Variants in DLG2 observed in about 807,000 individuals in gnomAD.
DLG2 encodes the protein disks large homolog 2.
In DLG2, 45 loss-of-function variants were observed where a neutral mutation model predicts 132.5. The observed-to-expected ratio is 0.34, with a 90% CI of 0.27 to 0.44. The LOEUF (loss-of-function observed/expected upper bound fraction) is 0.44. DLG2 is among the 20% of genes least tolerant of loss of function. The pLI, the probability that DLG2 is intolerant of heterozygous loss-of-function variation, is 1.00. For missense variants in DLG2, 1,045 were observed against 1,196.9 expected (o/e 0.87, Z 1.87); for synonymous variants, 424 against 419.6 (o/e 1.01, Z -0.13).
chr11:83,740,012 T>C (rs1403717860), intron 18 of DLG2, among the ~76,000 whole-genome samples: 3 of 152,196 alleles, frequency 2.0e-5, no homozygotes, highest in African/African-American at 7.2e-5. Context: ...GATGACAGAA[T>C]TCTATCCCTT....
At chr11:83,942,739 T>G (rs1236739515) in intron 14 of DLG2, among the ~76,000 whole-genome samples, 1 of 152,238 alleles carries the variant, frequency 6.6e-6, no homozygotes, top group African/African-American at 2.4e-5. Flanking sequence ...TTTAAATTAA[T>G]TTTTTAAAAA....
intron 5 of DLG2, among the ~76,000 whole-genome samples, chr11:85,129,284 T>C (rs1298125461): frequency 6.6e-6 from 1 of 152,200 alleles, no homozygotes; most frequent in Non-Finnish European, 1.5e-5. Context: ...GATGATTTCC[T>C]AGTCTACAAG....
At chr11:83,688,722 G>A (rs2153613272) in intron 18 of DLG2, among the ~76,000 whole-genome samples, 1 of 152,282 alleles carries the variant, frequency 6.6e-6, no homozygotes, top group Middle Eastern at 3.4e-3. Context: ...ATGATTGTGT[G>A]TACCTTCTTC....
intron 3 of DLG2, among the ~76,000 whole-genome samples, chr11:85,416,345 C>G (rs1478976646): frequency 6.6e-6 from 1 of 152,138 alleles, no homozygotes. Context: ...GTTACTGTAG[C>G]CTTGTAGTAT....
chr11:85,228,708 A>G (rs1029799414), intron 4 of DLG2, among the ~76,000 whole-genome samples: 5 of 151,432 alleles, frequency 3.3e-5, no homozygotes, highest in Non-Finnish European at 7.4e-5. Context: ...TGGCTACCCT[A>G]TTGGCTTATT....
At chr11:85,614,168 C>G (rs1388795424) in intron 2 of DLG2, among the ~76,000 whole-genome samples, 2 of 152,208 alleles carry the variant, frequency 1.3e-5, no homozygotes, top group Non-Finnish European at 2.9e-5. Context: ...ACAGAATCCA[C>G]TCATTCCAGA....
intron 22 of DLG2, among the ~76,000 whole-genome samples, chr11:83,482,738 G>A (rs1450807074): frequency 2.6e-5 from 4 of 152,084 alleles, no homozygotes; most frequent in Non-Finnish European, 5.9e-5. Context: ...CTTAAAATTT[G>A]CTTTTAGAGA....
chr11:83,724,770 C>T (rs1720513155), intron 18 of DLG2: 1 of 684,580 alleles, frequency 1.5e-6, no homozygotes, highest in Admixed American at 2.0e-5. Flanking sequence ...GGAGAATCTG[C>T]TGCCCTCTTT....
At chr11:85,570,369 T>C (rs2077778362) in intron 3 of DLG2, among the ~76,000 whole-genome samples, 1 of 152,208 alleles carries the variant, frequency 6.6e-6, no homozygotes, top group Non-Finnish European at 1.5e-5. Context: ...TCTGCTGTTA[T>C]TGGTGGATTG....
chr11:84,113,060 G>A (rs529531921), intron 9 of DLG2, among the ~76,000 whole-genome samples: 10 of 152,300 alleles, frequency 6.6e-5, no homozygotes, highest in African/African-American at 2.4e-4. Flanking sequence ...CAAAAGCAAT[G>A]GAGATAACTG....
At chr11:83,796,761 TA>T (rs2042923474) in intron 17 of DLG2, among the ~76,000 whole-genome samples, 1 of 152,206 alleles carries the variant, frequency 6.6e-6, no homozygotes, top group African/African-American at 2.4e-5. Context: ...ATTTGTTTTT[TA>T]AAAAGTATCC....
At chr11:84,802,111 C>CA (rs535950740) in intron 6 of DLG2, among the ~76,000 whole-genome samples, 15,583 of 130,074 alleles carry the variant, frequency 0.12, 873 homozygotes, top group African/African-American at 0.14. Flanking sequence ...AAAAAAAAAG[C>CA]AAAAAAAAAA....
chr11:85,241,545 T>A (rs2075878034), intron 4 of DLG2, among the ~76,000 whole-genome samples: 1 of 151,956 alleles, frequency 6.6e-6, no homozygotes, highest in Admixed American at 6.6e-5. Context: ...AAAATGGACT[T>A]CATCAGATTA....
At chr11:84,067,968 T>C in intron 10 of DLG2, among the ~76,000 whole-genome samples, 1 of 152,202 alleles carries the variant, frequency 6.6e-6, no homozygotes, top group Non-Finnish European at 1.5e-5. Flanking sequence ...GACAAGCTTA[T>C]ATGGCTTAAC....
intron 3 of DLG2, among the ~76,000 whole-genome samples, chr11:85,568,787 G>C (rs2077679996): frequency 6.6e-6 from 1 of 151,726 alleles, no homozygotes; most frequent in Non-Finnish European, 1.5e-5. Flanking sequence ...TTAGTTATTT[G>C]AGTCATCTCT....
At chr11:84,943,905 T>C (rs1268831136) in intron 6 of DLG2, among the ~76,000 whole-genome samples, 1 of 152,230 alleles carries the variant, frequency 6.6e-6, no homozygotes, top group East Asian at 1.9e-4. Context: ...GAACTCTCTT[T>C]AGCATTTCTT....
chr11:84,739,674 T>G (rs1445192087), intron 6 of DLG2, among the ~76,000 whole-genome samples: 1 of 152,176 alleles, frequency 6.6e-6, no homozygotes, highest in African/African-American at 2.4e-5. Context: ...AACCTGGGAC[T>G]TTCATTTGAC....
intron 7 of DLG2, among the ~76,000 whole-genome samples, chr11:84,453,426 A>T (rs969041465): frequency 2.6e-4 from 39 of 151,668 alleles, no homozygotes; most frequent in African/African-American, 9.4e-4. Flanking sequence ...TAAGCTTGGT[A>T]GAAAAGGTAG....
rs34177526 is a variant in DLG2 at position 84,124,847 on chromosome 11, C to CTTTT, written c.625-25804_625-25801dup. On this transcript the variant is annotated intron_variant, in intron 9 of 27. Coordinates refer to ENST00000376104, the MANE Select transcript of DLG2 (RefSeq NM_001142699.3). ...TTTGTTGAGAAATAACTTGTTTTCA[C>CTTTT]TTTTTTTTTTTTTTTTTTTTGAGAG... 7.1e-4 allele frequency among the ~76,000 whole-genome samples: 86 copies of CTTTT among 121,186 alleles called. 2 individuals carry two copies. Among genetic ancestry groups the CTTTT allele is most frequent in the African/African-American group, 2.2e-3 (71 of 31,848 alleles). The allele number at this position is 121,186 out of a possible 152,430, so 79.5% of individuals were successfully genotyped here.
Sources: allele counts gnomAD v4.1 joint callset (sites outside exome capture counted in the v4.1 genomes callset), GRCh38; gene constraint gnomAD v4.1.1; transcripts MANE v1.5; gene names NCBI Gene and HGNC (gene_info 2026-07-23, HGNC 2026-07-21).